PLD5: variants seen among roughly 807,000 people sequenced by gnomAD.
The protein encoded by PLD5 is phospholipase D family member 5.
A neutral mutation model predicts 61.1 loss-of-function variants in PLD5; 36 were observed. That is an observed-to-expected ratio of 0.59 (90% CI 0.45 to 0.78). The LOEUF is 0.78. Among genes scored for constraint, PLD5 ranks in the 30% least tolerant of loss-of-function variants. PLD5 has a pLI of 0.00. For synonymous variants in PLD5, 243 were observed against 242.8 expected (o/e 1.00, Z -0.01); for missense variants, 515 against 644.4 (o/e 0.80, Z 2.17).
intron 1 of PLD5, among the ~76,000 whole-genome samples, chr1:242,369,606 G>A (rs1272842695): frequency 6.6e-6 from 1 of 152,200 alleles, no homozygotes; most frequent in Non-Finnish European, 1.5e-5. Context: ...CATCTATCAG[G>A]AAGAGAGAGG....
intron 3 of PLD5, among the ~76,000 whole-genome samples, chr1:242,283,464 C>A (rs1674836820): frequency 6.6e-6 from 1 of 152,146 alleles, no homozygotes; most frequent in African/African-American, 2.4e-5. Context: ...TATGTGCCAT[C>A]TAAGGTTCCA....
At position 242,247,261 on chromosome 1, in the gene PLD5, C is replaced by T. The variant is rs555405761; in HGVS notation, c.607+18076G>A. Among the ~76,000 whole-genome samples, 19 of 152,298 alleles carry T rather than the reference C, an allele frequency of 1.2e-4. No individual in the cohort carries two copies. The East Asian group carries it at 3.7e-3, about 29-fold the overall frequency. The stretch of plus-strand genomic sequence containing the variant: ...CCTCCCAGAGTGCTGGGATTACAGG[C>T]GTGAGCCACCGCGCCCGGCCTTAGG... On this transcript the variant is annotated intron_variant, in intron 4 of 9. Coordinates refer to ENST00000536534, the MANE Select transcript of PLD5 (RefSeq NM_001372062.1).
rs1378819471 is a variant in PLD5, at chr1:242,524,139, C to T, written c.138G>A (p.Gln46=). Residue 46 remains glutamine (Q), a synonymous_variant, in exon 1 of 10, where the codon CAG becomes CAA. Transcript: ENST00000536534. The part of the protein sequence containing the change: ...VGANFYSSVK[Q]QDYSASVWLR... ...GCCAGACGCTGGCGCTGTAGTCCTG[C>T]TGCTTGACGCTGCTGTAGAAGTTCG... 7.2e-6 allele frequency: 11 copies of T among 1,535,628 alleles called. No individual in the cohort carries two copies. The African/African-American group carries it at 9.6e-5, about 13-fold the overall frequency.
intron 1 of PLD5, among the ~76,000 whole-genome samples, chr1:242,462,325 G>A (rs1667143747): frequency 6.6e-6 from 1 of 152,132 alleles, no homozygotes; most frequent in Non-Finnish European, 1.5e-5. Context: ...ATAAAATCAT[G>A]TCCTTTGCAG....
At chr1:242,279,823 C>T (rs1432706221) in intron 3 of PLD5, among the ~76,000 whole-genome samples, 3 of 152,334 alleles carry the variant, frequency 2.0e-5, no homozygotes, top group Admixed American at 6.5e-5. Flanking sequence ...TTGGCCACCA[C>T]GCCCGGCATC....
At chr1:242,472,766 C>A (rs1024147895) in intron 1 of PLD5, among the ~76,000 whole-genome samples, 9 of 152,034 alleles carry the variant, frequency 5.9e-5, no homozygotes, top group Non-Finnish European at 1.2e-4. Flanking sequence ...AAAATATTTT[C>A]TTTTTCTTGG....
chr1:242,449,477 A>G, intron 1 of PLD5: 2 of 1,530,738 alleles, frequency 1.3e-6, no homozygotes, highest in Non-Finnish European at 1.7e-6. Context: ...GCACAAACGT[A>G]TCACCACCGA....
rs147416534 is a variant in PLD5, at chr1:242,141,077, G to T, written c.736-16412C>A. ...TGTGCTGGGTGAGGAGCTGCCCTGT[G>T]TCTCTGAGGCTTGGGTAGTGCTATC... On this transcript the variant is annotated intron_variant, in intron 5 of 9. Transcript: ENST00000536534. Among the ~76,000 whole-genome samples, 42 of 152,282 alleles carry T rather than the reference G, an allele frequency of 2.8e-4. 1 individual carries two copies. Among genetic ancestry groups the T allele is most frequent in the African/African-American group, 1.0e-3 (42 of 41,556 alleles).
intron 1 of PLD5, chr1:242,449,264 A>G: frequency 1.3e-6 from 2 of 1,491,038 alleles, no homozygotes; most frequent in Middle Eastern, 1.7e-4. Flanking sequence ...GTTCAGTCTC[A>G]TGCTACCAAC....
At chr1:242,385,873 G>A (rs546777167) in intron 1 of PLD5, among the ~76,000 whole-genome samples, 1 of 152,258 alleles carries the variant, frequency 6.6e-6, no homozygotes, top group East Asian at 1.9e-4. Flanking sequence ...CATACACTGA[G>A]TGTATTTCAA....
intron 1 of PLD5, among the ~76,000 whole-genome samples, chr1:242,385,031 A>G (rs978372684): frequency 5.9e-5 from 9 of 152,226 alleles, no homozygotes; most frequent in African/African-American, 2.2e-4. Context: ...AGCTATCAAC[A>G]ACCACTGGAA....
intron 2 of PLD5, among the ~76,000 whole-genome samples, chr1:242,292,024 A>G (rs1675397783): frequency 6.6e-6 from 1 of 152,156 alleles, no homozygotes; most frequent in Non-Finnish European, 1.5e-5. Context: ...CAGGAGAAGC[A>G]GCGTTCAGGA....
intron 6 of PLD5, among the ~76,000 whole-genome samples, chr1:242,119,777 A>G (rs1464911605): frequency 1.3e-5 from 2 of 152,218 alleles, no homozygotes; most frequent in Non-Finnish European, 2.9e-5. Context: ...TAGTTTCTCA[A>G]AATGTCCAAC....
chr1:242,426,509 C>T (rs1558557182), intron 1 of PLD5, among the ~76,000 whole-genome samples: 2 of 152,174 alleles, frequency 1.3e-5, no homozygotes, highest in African/African-American at 4.8e-5. Context: ...ACCACAAACA[C>T]ATGAGTAATG....
At chr1:242,447,455 TC>T (rs570822885) in intron 1 of PLD5, among the ~76,000 whole-genome samples, 55 of 152,354 alleles carry the variant, frequency 3.6e-4, no homozygotes, top group Admixed American at 3.4e-3. Context: ...TCACTCCTCT[TC>T]CGGTCAGTGG....
At chr1:242,492,438 C>T (rs1327526157) in intron 1 of PLD5, among the ~76,000 whole-genome samples, 1 of 150,880 alleles carries the variant, frequency 6.6e-6, no homozygotes, top group Non-Finnish European at 1.5e-5. Context: ...AGGACAATCG[C>T]TTGAGCCCGG....
intron 1 of PLD5, among the ~76,000 whole-genome samples, chr1:242,394,426 G>A (rs201236558): frequency 5.8e-5 from 6 of 104,014 alleles, no homozygotes; most frequent in African/African-American, 2.5e-4. Context: ...ATATATGTGT[G>A]TATATGAGTA....
intron 1 of PLD5, among the ~76,000 whole-genome samples, chr1:242,498,465 T>C (rs1451676508): frequency 6.6e-6 from 1 of 152,206 alleles, no homozygotes; most frequent in Non-Finnish European, 1.5e-5. Flanking sequence ...TTATAGAAAA[T>C]GTACAAAATA....
At chr1:242,298,396 C>G (rs762012983) in intron 2 of PLD5, among the ~76,000 whole-genome samples, 1 of 152,144 alleles carries the variant, frequency 6.6e-6, no homozygotes, top group East Asian at 1.9e-4. Context: ...CAACAACAAC[C>G]CTGCAAGATA....
Sources: gnomAD v4.1 joint callset for allele counts (sites outside exome capture counted in the v4.1 genomes callset) on GRCh38, gnomAD v4.1.1 for gene constraint, MANE v1.5 for transcripts, NCBI Gene and HGNC (gene_info 2026-07-23, HGNC 2026-07-21) for gene names.